Variants in COL5A2 observed in about 807,000 individuals in gnomAD.
COL5A2 encodes collagen type V alpha 2 chain.
COL5A2 carries 23 observed loss-of-function variants against 208.2 expected under a neutral mutation model. That is an observed-to-expected ratio of 0.11 (90% CI 0.08 to 0.16). The LOEUF (loss-of-function observed/expected upper bound fraction) is 0.16. Among genes scored for constraint, COL5A2 ranks in the 10% least tolerant of loss-of-function variants. COL5A2 has a pLI of 1.00. For synonymous variants in COL5A2, 625 were observed against 628.5 expected (o/e 0.99, Z 0.08); for missense variants, 1,590 against 1,956.4 (o/e 0.81, Z 3.53).
intron 1 of COL5A2, among the ~76,000 whole-genome samples, chr2:189,216,360 C>G (rs1215240944): frequency 6.6e-6 from 1 of 152,048 alleles, no homozygotes; most frequent in Non-Finnish European, 1.5e-5. Context: ...AGCCACTAAT[C>G]TCTACTGGCT....
chr2:189,436,379 G>A, the COL5A2 span, among the ~76,000 whole-genome samples: 1 of 152,138 alleles, frequency 6.6e-6, no homozygotes, highest in African/African-American at 2.4e-5. Context: ...CTGTTGTGGG[G>A]TGGGGGGAGC....
chr2:189,322,338 T>G, the COL5A2 span, among the ~76,000 whole-genome samples: 2 of 152,024 alleles, frequency 1.3e-5, no homozygotes, highest in African/African-American at 2.4e-5. Context: ...AGAGCAGAAC[T>G]GAAGGACATA....
At chr2:189,046,122 T>G (rs983975331) in intron 45 of COL5A2, among the ~76,000 whole-genome samples, 8 of 152,148 alleles carry the variant, frequency 5.3e-5, no homozygotes, top group Non-Finnish European at 5.9e-5. Flanking sequence ...AGTCTCATCC[T>G]TTCCCTCACC....
chr2:189,281,433 G>A, the COL5A2 span, among the ~76,000 whole-genome samples: 20 of 152,254 alleles, frequency 1.3e-4, no homozygotes, highest in African/African-American at 4.6e-4. Flanking sequence ...TGCAATGAAT[G>A]GAGCTGCTTA....
intron 1 of COL5A2, among the ~76,000 whole-genome samples, chr2:189,224,230 AAAAT>A (rs1482128078): frequency 6.6e-6 from 1 of 152,172 alleles, no homozygotes; most frequent in African/African-American, 2.4e-5. Context: ...CACAACCAAA[AAAAT>A]AAATGACACT....
chr2:189,181,608 A>G (rs1046771294), upstream of COL5A2, among the ~76,000 whole-genome samples: 2 of 152,176 alleles, frequency 1.3e-5, no homozygotes, highest in Non-Finnish European at 2.9e-5. Context: ...CACAATTTTC[A>G]GGCACCTTGT....
intron 45 of COL5A2, among the ~76,000 whole-genome samples, chr2:189,046,369 C>T (rs775026425): frequency 6.6e-6 from 1 of 152,108 alleles, no homozygotes; most frequent in Non-Finnish European, 1.5e-5. Context: ...CCTTACTTCC[C>T]CTAAATAATC....
chr2:189,059,585 G>GTTATTTTTTTTTTTTTTTTTTTTTTTTT (rs1685978728), intron 31 of COL5A2, among the ~76,000 whole-genome samples: 1 of 28,594 alleles, frequency 3.5e-5, no homozygotes, highest in Non-Finnish European at 7.4e-5. Context: ...TTCTTTTCTG[G>GTTATTTTTTTTTTTTTTTTTTTTTTTTT]TTTTTTTTTT....
chr2:189,194,149 C>T (rs1261724515), intron 1 of COL5A2, among the ~76,000 whole-genome samples: 4 of 151,920 alleles, frequency 2.6e-5, no homozygotes, highest in African/African-American at 9.7e-5. Flanking sequence ...ATTTGGGGTC[C>T]TCAATAATTT....
At chr2:189,107,778 A>T (rs185492877) in intron 2 of COL5A2, among the ~76,000 whole-genome samples, 2 of 151,772 alleles carry the variant, frequency 1.3e-5, no homozygotes, top group East Asian at 3.9e-4. Flanking sequence ...TCTATCAATT[A>T]TATTCCATAT....
chr2:189,228,959 T>C (rs1424392723), upstream of COL5A2, among the ~76,000 whole-genome samples: 1 of 151,816 alleles, frequency 6.6e-6, no homozygotes, highest in African/African-American at 2.4e-5. Context: ...AGGATCACAC[T>C]ATGACCAAGC....
chr2:189,436,194 C>G, the COL5A2 span, among the ~76,000 whole-genome samples: 2 of 152,104 alleles, frequency 1.3e-5, no homozygotes, highest in Non-Finnish European at 2.9e-5. Flanking sequence ...AGAAGAAAAC[C>G]TAGGCAATAC....
intron 40 of COL5A2, 84 bp from the exon 41 acceptor site, chr2:189,052,309 A>C (rs1685806954): frequency 7.9e-7 from 1 of 1,258,944 alleles, no homozygotes; most frequent in African/African-American, 1.5e-5. Flanking sequence ...TTTCACAGGA[A>C]GACTGAAGCC....
intron 1 of COL5A2, among the ~76,000 whole-genome samples, chr2:189,195,324 C>G (rs866348529): frequency 6.6e-6 from 1 of 152,092 alleles, no homozygotes; most frequent in Non-Finnish European, 1.5e-5. Flanking sequence ...AGGACACAAA[C>G]AAAGGAAAAA....
In COL5A2 at chr2:189,053,470, C is replaced by G. The variant is rs751683516; in HGVS notation, c.2507G>C (p.Arg836Pro). Residue 836 changes from arginine to proline, a missense_variant, in exon 38 of 54, where the codon CGA becomes CCA. Coordinates refer to ENST00000374866, the MANE Select transcript of COL5A2 (RefSeq NM_000393.5). ...PPGSRGNPGS[R>P]GENGPTGAVG... The stretch of plus-strand genomic sequence containing the variant: ...AGCTCCAGTTGGCCCATTTTCACCT[C>G]GAGAACCCTAGGAGGAGACAAAGAT... 2.7e-5 allele frequency: 43 copies of G among 1,613,580 alleles called. No homozygotes were observed. The highest frequency in any genetic ancestry group is 3.3e-5 in the Non-Finnish European group (39 of 1,179,742).
In COL5A2 at chr2:189,158,618, A is replaced by T. The variant is rs529150332; in HGVS notation, c.97+20890T>A. Among the ~76,000 whole-genome samples the T allele has an allele frequency of 5.3e-5, 8 of 152,162 alleles. No individual in the cohort carries two copies. The South Asian group carries it at 1.7e-3, about 32-fold the overall frequency. ...ACTCTCTCAAAATTAGTTAGAAAAC[A>T]CCACAGTACCAGATTCAGTATCTTT... On this transcript the variant is annotated intron_variant, in intron 1 of 53. Transcript: ENST00000374866.
chr2:189,347,169 A>C, the COL5A2 span, among the ~76,000 whole-genome samples: 4 of 152,200 alleles, frequency 2.6e-5, no homozygotes, highest in African/African-American at 7.2e-5. Flanking sequence ...CACGTTGCTG[A>C]GAGACAGCAG....
chr2:189,163,326 C>A (rs1354087544), intron 1 of COL5A2, among the ~76,000 whole-genome samples: 1 of 152,196 alleles, frequency 6.6e-6, no homozygotes, highest in Admixed American at 6.5e-5. Context: ...TCTGACATCC[C>A]TTCTCACCAA....
Position 189,034,177 on chromosome 2 carries a change from T to C in COL5A2, c.4393A>G (p.Arg1465Gly). Residue 1465 changes from arginine (R) to glycine (G), a missense_variant, in exon 54 of 54, where the codon AGA (arginine) becomes GGA (glycine). Transcript: ENST00000374866. ...GGCAAGCGTGCCACATTCTGTGTTC[T>C]ATATTCAAAGACAGTCTTGCCCACA... The part of the protein sequence containing the change: ...GNVGKTVFEY[R>G]TQNVARLPII... The C allele has an allele frequency of 6.2e-7, 1 of 1,614,036 alleles. No individual in the cohort carries two copies. Among genetic ancestry groups the C allele is most frequent in the Non-Finnish European group, 8.5e-7 (1 of 1,179,946 alleles).
Sources: gnomAD v4.1 joint callset for allele counts (sites outside exome capture counted in the v4.1 genomes callset) on GRCh38, gnomAD v4.1.1 for gene constraint, MANE v1.5 for transcripts, NCBI Gene and HGNC (gene_info 2026-07-23, HGNC 2026-07-21) for gene names.